The following METTL24 variants were observed in gnomAD, a reference collection of about 807,000 sequenced individuals.
The protein encoded by METTL24 is methyltransferase like 24.
In METTL24, 29 loss-of-function variants were observed where a neutral mutation model predicts 32.7. The observed-to-expected ratio is 0.89, with a 90% CI of 0.66 to 1.21. The LOEUF (loss-of-function observed/expected upper bound fraction) is 1.21. Ranked by LOEUF, METTL24 falls within the 50% of genes most tolerant of loss-of-function variation. The probability of loss-of-function intolerance (pLI) is 0.00; values close to 1 mark genes in which losing one functional copy is unlikely to be tolerated. For missense variants in METTL24, 439 were observed against 468.1 expected (o/e 0.94, Z 0.57); for synonymous variants, 163 against 179.5 (o/e 0.91, Z 0.73).
chr6:110,295,013 CTTTTT>C (rs1195740747), intron 4 of METTL24, among the ~76,000 whole-genome samples: 1 of 78,144 alleles, frequency 1.3e-5, no homozygotes, highest in East Asian at 4.0e-4. Flanking sequence ...TTCTTTCTTT[CTTTTT>C]TTTTTTTTTT....
Position 110,287,251 on chromosome 6 carries a change from T to C in METTL24, c.786+11671A>G, listed in dbSNP as rs183285018. 2.0e-5 allele frequency among the ~76,000 whole-genome samples: 3 copies of C among 152,342 alleles called. No homozygotes were observed. The East Asian group carries it at 5.8e-4, about 29-fold the overall frequency. ...ACAAAAACAACAAACATTTCCTAAATGTTGAGTTCGGAAGTTCTTGACTCA... is the reference window on the plus strand; with the variant it reads ...ACAAAAACAACAAACATTTCCTAAACGTTGAGTTCGGAAGTTCTTGACTCA... On this transcript the variant is annotated intron_variant, in intron 4 of 4. Coordinates refer to ENST00000338882, the MANE Select transcript of METTL24 (RefSeq NM_001123364.3).
At chr6:110,290,908 T>C (rs1355421886) in intron 4 of METTL24, among the ~76,000 whole-genome samples, 1 of 152,218 alleles carries the variant, frequency 6.6e-6, no homozygotes, top group Non-Finnish European at 1.5e-5. Context: ...TTTTGGTAGT[T>C]ATGAAGTGAT....
intron 2 of METTL24, among the ~76,000 whole-genome samples, chr6:110,320,935 T>C (rs992839533): frequency 1.3e-5 from 2 of 151,786 alleles, no homozygotes; most frequent in African/African-American, 4.8e-5. Context: ...CTACGGAGGA[T>C]GCTTTAAAAA....
intron 3 of METTL24, among the ~76,000 whole-genome samples, chr6:110,309,719 G>A (rs776025979): frequency 2.0e-5 from 3 of 152,010 alleles, no homozygotes; most frequent in Non-Finnish European, 4.4e-5. Flanking sequence ...AAAGACCTGC[G>A]CCCATGATTC....
chr6:110,307,261 G>GT (rs1199509082), intron 3 of METTL24, among the ~76,000 whole-genome samples: 1 of 152,112 alleles, frequency 6.6e-6, no homozygotes, highest in Non-Finnish European at 1.5e-5. Context: ...ATCTGAAGAG[G>GT]TTCACAAAGT....
At chr6:110,322,661 C>T in intron 2 of METTL24, 113 bp downstream of exon 2, 2 of 757,172 alleles carry the variant, frequency 2.6e-6, no homozygotes, top group East Asian at 2.5e-5. Flanking sequence ...AACACACTTC[C>T]CCATCAAGTC....
chr6:110,258,014 C>A (rs904292468), intron 4 of METTL24, among the ~76,000 whole-genome samples: 2 of 152,070 alleles, frequency 1.3e-5, no homozygotes, highest in African/African-American at 4.8e-5. Flanking sequence ...TTGTTTAGAC[C>A]CTCAGTGATT....
intron 4 of METTL24, among the ~76,000 whole-genome samples, chr6:110,294,946 C>A (rs1310460737): frequency 6.6e-6 from 1 of 150,976 alleles, no homozygotes; most frequent in Non-Finnish European, 1.5e-5. Flanking sequence ...TTTATATTTA[C>A]CAATTTGATA....
chr6:110,269,364 A>G (rs1002146745), intron 4 of METTL24, among the ~76,000 whole-genome samples: 9 of 152,122 alleles, frequency 5.9e-5, no homozygotes, highest in African/African-American at 2.2e-4. Flanking sequence ...AAAGGGCGTC[A>G]TTTTTTAATA....
At chr6:110,292,731 G>T in intron 4 of METTL24, among the ~76,000 whole-genome samples, 1 of 150,998 alleles carries the variant, frequency 6.6e-6, no homozygotes, top group East Asian at 1.9e-4. Context: ...AATCCCCATA[G>T]TTTTCTTTCT....
chr6:110,270,407 A>T (rs1770934692), intron 4 of METTL24, among the ~76,000 whole-genome samples: 1 of 152,218 alleles, frequency 6.6e-6, no homozygotes, highest in East Asian at 1.9e-4. Context: ...ATGGAAACAA[A>T]GGGTAGAATG....
chr6:110,337,278 G>C (rs536486175), intron 1 of METTL24, among the ~76,000 whole-genome samples: 63 of 152,280 alleles, frequency 4.1e-4, no homozygotes, highest in Non-Finnish European at 6.3e-4. Flanking sequence ...CTTGAGGGTC[G>C]AGGGTTGGAG....
intron 4 of METTL24, among the ~76,000 whole-genome samples, chr6:110,261,896 T>C (rs1770738761): frequency 6.6e-6 from 1 of 152,034 alleles, no homozygotes; most frequent in Non-Finnish European, 1.5e-5. Flanking sequence ...AAGGCAGAAA[T>C]AAAGATGTTC....
At chr6:110,324,971 G>C (rs1771993042) in intron 1 of METTL24, among the ~76,000 whole-genome samples, 1 of 152,178 alleles carries the variant, frequency 6.6e-6, no homozygotes, top group Non-Finnish European at 1.5e-5. Flanking sequence ...AAATATTCAG[G>C]AGAGTTGTTC....
rs973464065 is a variant in METTL24 at position 110,319,270 on chromosome 6, A to ATGTGTGTGTGAG, written c.417+3503_417+3504insCTCACACACACA. ...TTATTGTTTTTATCCCTGTGTGTGT[A>ATGTGTGTGTGAG]TGTGTGTGTGTGTGTGTGTGTGTGT... On this transcript the variant is annotated intron_variant, in intron 2 of 4. Transcript: ENST00000338882. Among the ~76,000 whole-genome samples the ATGTGTGTGTGAG allele has an allele frequency of 2.0e-5, 3 of 148,590 alleles. No homozygotes were observed. In the East Asian group the frequency reaches 5.9e-4, roughly 29 times the overall value.
intron 4 of METTL24, among the ~76,000 whole-genome samples, chr6:110,296,296 A>C (rs1162031997): frequency 6.6e-6 from 1 of 152,258 alleles, no homozygotes; most frequent in African/African-American, 2.4e-5. Flanking sequence ...CAGAAACTTC[A>C]GATTCAATAT....
At chr6:110,259,511 G>A (rs1007506132) in intron 4 of METTL24, among the ~76,000 whole-genome samples, 1 of 152,258 alleles carries the variant, frequency 6.6e-6, no homozygotes, top group Non-Finnish European at 1.5e-5. Context: ...AAGGAGGCCT[G>A]CCTGCCTCTG....
At chr6:110,302,536 CATATACACACACAT>C (rs1771542635) in intron 3 of METTL24, among the ~76,000 whole-genome samples, 2 of 116,700 alleles carry the variant, frequency 1.7e-5, no homozygotes, top group Admixed American at 7.9e-5. Context: ...TATATATACA[CATATACACACACAT>C]ATGTGTATAT....
intron 1 of METTL24, among the ~76,000 whole-genome samples, chr6:110,352,754 G>A (rs767318220): frequency 1.2e-4 from 19 of 152,040 alleles, no homozygotes; most frequent in Non-Finnish European, 2.5e-4. Context: ...TACTTTCTAC[G>A]AACCACAGAA....
Sources: allele counts gnomAD v4.1 joint callset (sites outside exome capture counted in the v4.1 genomes callset), GRCh38; gene constraint gnomAD v4.1.1; transcripts MANE v1.5; gene names NCBI Gene and HGNC (gene_info 2026-07-23, HGNC 2026-07-21).